Variants in ARHGAP29 observed in about 807,000 individuals in gnomAD.
ARHGAP29 encodes rho GTPase-activating protein 29.
In ARHGAP29, 43 loss-of-function variants were observed where a neutral mutation model predicts 122.6. The ratio of observed to expected loss-of-function variants is 0.35; its 90% CI spans 0.27 to 0.45. The LOEUF (loss-of-function observed/expected upper bound fraction) is 0.45. Among genes scored for constraint, ARHGAP29 ranks in the 20% least tolerant of loss-of-function variants. The pLI, the probability that ARHGAP29 is intolerant of heterozygous loss-of-function variation, is 1.00. For missense variants in ARHGAP29, 1,303 were observed against 1,477.2 expected, an observed-to-expected ratio of 0.88 and a Z score of 1.93; for synonymous variants, 506 against 497.1, an observed-to-expected ratio of 1.02 and a Z score of -0.24.
intron 14 of ARHGAP29, 110 bp from the exon 15 acceptor site, chr1:94,189,051 T>A: frequency 7.4e-7 from 1 of 1,349,800 alleles, no homozygotes; most frequent in Non-Finnish European, 1.0e-6. Flanking sequence ...AATAACCAGT[T>A]ATCAACGTTA....
chr1:94,251,871 G>A (rs1654110934), intron 1 of ARHGAP29, among the ~76,000 whole-genome samples: 1 of 152,012 alleles, frequency 6.6e-6, no homozygotes, highest in African/African-American at 2.4e-5. Flanking sequence ...TCCCTCTACT[G>A]ACTTGATATA....
At chr1:94,213,738 C>T (rs1331431426) in intron 3 of ARHGAP29, among the ~76,000 whole-genome samples, 3 of 152,190 alleles carry the variant, frequency 2.0e-5, no homozygotes, top group African/African-American at 7.2e-5. Context: ...TACATAACTT[C>T]ACCCCTCTGT....
the ARHGAP29 span, among the ~76,000 whole-genome samples, chr1:94,290,743 T>C: frequency 6.6e-6 from 1 of 152,232 alleles, no homozygotes; most frequent in Non-Finnish European, 1.5e-5. Flanking sequence ...TTGAGTGAGT[T>C]TCTTAAACCT....
At chr1:94,231,867 A>G (rs949388071) in intron 1 of ARHGAP29, among the ~76,000 whole-genome samples, 1 of 152,140 alleles carries the variant, frequency 6.6e-6, no homozygotes, top group South Asian at 2.1e-4. Context: ...GACAACTCTG[A>G]CATGCAAACT....
chr1:94,226,450 C>T (rs1022925584), intron 2 of ARHGAP29, among the ~76,000 whole-genome samples: 5 of 151,868 alleles, frequency 3.3e-5, no homozygotes, highest in Admixed American at 6.6e-5. Flanking sequence ...TTGCCCAGGG[C>T]TACAAACAAC....
chr1:94,234,510 T>G (rs914120380), intron 1 of ARHGAP29, among the ~76,000 whole-genome samples: 6 of 152,212 alleles, frequency 3.9e-5, no homozygotes, highest in Admixed American at 2.0e-4. Flanking sequence ...GACCACACTT[T>G]ATAATTTTTA....
chr1:94,188,470 A>G lies in ARHGAP29; in HGVS notation c.1681+367T>C, dbSNP rs182556282. On this transcript the variant is annotated intron_variant, in intron 15 of 22. Coordinates refer to ENST00000260526, the MANE Select transcript of ARHGAP29 (RefSeq NM_004815.4). ...AAAAAACACACATAAATGAAATCAC[A>G]ATAGCGTAATTCAATTTGTATAACA... 2.0e-3 allele frequency among the ~76,000 whole-genome samples: 309 copies of G among 152,244 alleles called. 1 individual carries two copies. The highest frequency in any genetic ancestry group is 6.8e-3 in the African/African-American group (284 of 41,560).
intron 3 of ARHGAP29, among the ~76,000 whole-genome samples, chr1:94,217,873 A>ACC (rs1311245453): frequency 8.7e-6 from 1 of 114,470 alleles, no homozygotes; most frequent in Non-Finnish European, 1.9e-5. Flanking sequence ...AAAAAAAAAA[A>ACC]CTGAAACCTC....
At chr1:94,299,643 G>A in the ARHGAP29 span, among the ~76,000 whole-genome samples, 14 of 152,192 alleles carry the variant, frequency 9.2e-5, no homozygotes, top group East Asian at 2.7e-3. Context: ...CTCCCTGTTG[G>A]CTAGGCTGTT....
intron 18 of ARHGAP29, 131 bp from the exon 19 acceptor site, chr1:94,184,419 C>T: frequency 1.4e-6 from 1 of 729,210 alleles, no homozygotes; most frequent in Non-Finnish European, 2.1e-6. Context: ...TAGAAAAAAA[C>T]TATTCAAGGC....
intron 2 of ARHGAP29, among the ~76,000 whole-genome samples, chr1:94,230,675 C>G (rs1652869885): frequency 6.6e-6 from 1 of 151,654 alleles, no homozygotes; most frequent in Non-Finnish European, 1.5e-5. Context: ...ATTTTTATAT[C>G]TAGACATACC....
intron 1 of ARHGAP29, among the ~76,000 whole-genome samples, chr1:94,246,323 T>G (rs1306070195): frequency 2.0e-5 from 3 of 152,222 alleles, no homozygotes; most frequent in Admixed American, 1.3e-4. Flanking sequence ...TGTGATTCAC[T>G]CATTCTGAAT....
chr1:94,191,771 A>G (rs1383814526), intron 12 of ARHGAP29: 1 of 152,174 alleles, frequency 6.6e-6, no homozygotes, highest in African/African-American at 2.4e-5. Context: ...GAAACCCAAG[A>G]TTCTGCATTC....
At chr1:94,220,234 C>T (rs1652210391) in intron 3 of ARHGAP29, 24 bp downstream of exon 3, 1 of 1,611,622 alleles carries the variant, frequency 6.2e-7, no homozygotes, top group Non-Finnish European at 8.5e-7. Context: ...CCACAGCAAC[C>T]CACTTTTACT....
At chr1:94,268,800 T>C (rs923049347) in intron 1 of ARHGAP29, among the ~76,000 whole-genome samples, 1 of 152,064 alleles carries the variant, frequency 6.6e-6, no homozygotes, top group Non-Finnish European at 1.5e-5. Flanking sequence ...GATATATATA[T>C]ATATATGTGC....
intron 1 of ARHGAP29, among the ~76,000 whole-genome samples, chr1:94,270,235 G>C (rs933942264): frequency 6.6e-6 from 1 of 152,180 alleles, no homozygotes; most frequent in Non-Finnish European, 1.5e-5. Flanking sequence ...CTTCAATAAA[G>C]TTTTTGGGGT....
intron 13 of ARHGAP29, among the ~76,000 whole-genome samples, 162 bp downstream of exon 13, chr1:94,189,764 T>G (rs1334731821): frequency 1.3e-5 from 2 of 152,202 alleles, no homozygotes; most frequent in East Asian, 3.8e-4. Context: ...ATTACATCTA[T>G]TCTTTAAATA....
intron 3 of ARHGAP29, among the ~76,000 whole-genome samples, chr1:94,219,774 TACAC>T (rs1179405226): frequency 6.6e-6 from 1 of 152,314 alleles, no homozygotes; most frequent in African/African-American, 2.4e-5. Flanking sequence ...ATGCTATAGA[TACAC>T]ACACACCCAT....
At chr1:94,288,272 T>C in the ARHGAP29 span, among the ~76,000 whole-genome samples, 1 of 152,260 alleles carries the variant, frequency 6.6e-6, no homozygotes, top group East Asian at 1.9e-4. Flanking sequence ...TTTTCATATG[T>C]ATGTTGGCTG....
Sources: allele counts gnomAD v4.1 joint callset (sites outside exome capture counted in the v4.1 genomes callset), GRCh38; gene constraint gnomAD v4.1.1; transcripts MANE v1.5; gene names NCBI Gene and HGNC (gene_info 2026-07-23, HGNC 2026-07-21).